Variants in NEK1 observed in about 807,000 individuals in gnomAD.
NEK1 encodes NIMA related kinase 1, also known as serine/threonine-protein kinase Nek1.
A neutral mutation model predicts 182.1 loss-of-function variants in NEK1; 137 were observed. The observed-to-expected ratio is 0.75, with a 90% CI of 0.65 to 0.87. The LOEUF (loss-of-function observed/expected upper bound fraction) is 0.87, where lower values mean the gene tolerates loss of function less well. NEK1 is among the 40% of genes least tolerant of loss of function. NEK1 has a pLI of 0.00. For synonymous variants in NEK1, 513 were observed against 492.2 expected, an observed-to-expected ratio of 1.04 and a Z score of -0.56; for missense variants, 1,391 against 1,494.4, an observed-to-expected ratio of 0.93 and a Z score of 1.14.
At chr4:169,599,423 T>C (rs1054668326) in intron 4 of NEK1, among the ~76,000 whole-genome samples, 3 of 152,230 alleles carry the variant, frequency 2.0e-5, no homozygotes, top group Non-Finnish European at 4.4e-5. Flanking sequence ...AAATACACTA[T>C]TTTATTGAAT....
intron 35 of NEK1, among the ~76,000 whole-genome samples, chr4:169,397,754 T>C (rs1248913919): frequency 2.0e-5 from 3 of 152,298 alleles, no homozygotes; most frequent in East Asian, 3.9e-4. Context: ...TTATATCCTT[T>C]TGAAGCCACT....
intron 31 of NEK1, among the ~76,000 whole-genome samples, chr4:169,407,148 C>T (rs1732787116): frequency 6.6e-6 from 1 of 152,134 alleles, no homozygotes; most frequent in African/African-American, 2.4e-5. Flanking sequence ...TAGAAACTAT[C>T]TGTTTTCTCC....
In NEK1 at chr4:169,469,908, A is replaced by G. The variant is rs192912227; in HGVS notation, c.2435-6513T>C. 6.5e-3 allele frequency among the ~76,000 whole-genome samples: 961 copies of G among 148,922 alleles called. 5 individuals carry two copies. Among genetic ancestry groups the G allele is most frequent in the Non-Finnish European group, 9.8e-3 (659 of 67,476 alleles). ...TGTCTTTTTTGATCTTTGTTGCTTT[A>G]AAGTCTGTTTTATCAGAGACTAGGA... is the stretch of plus-strand genomic sequence containing the variant. On this transcript the variant is annotated intron_variant, in intron 26 of 35. Coordinates refer to ENST00000507142, the MANE Select transcript of NEK1 (RefSeq NM_001199397.3).
rs1403739192 is a variant in NEK1, at chr4:169,518,969, A to G, written c.1666-10117T>C. On this transcript the variant is annotated intron_variant, in intron 19 of 35. Transcript: ENST00000507142. ...AATAGGTGTGGTGTGGTGCTGAAAA[A>G]AATGTATATTCTGTTGATTTGGGGT... is the stretch of plus-strand genomic sequence containing the variant. Among the ~76,000 whole-genome samples the G allele has an allele frequency of 5.0e-4, 14 of 27,756 alleles. No individual in the cohort carries two copies. In the East Asian group the frequency reaches 7.8e-3, roughly 16 times the overall value. 18.2% of individuals were successfully genotyped at this position (27,756 alleles called of 152,430 possible).
intron 19 of NEK1, among the ~76,000 whole-genome samples, chr4:169,529,728 G>A (rs1308246666): frequency 6.6e-6 from 1 of 152,076 alleles, no homozygotes; most frequent in Non-Finnish European, 1.5e-5. Context: ...CAAAGCTAAA[G>A]AATAAGAAAA....
chr4:169,446,369 G>A (rs1740569646), intron 27 of NEK1, among the ~76,000 whole-genome samples: 1 of 152,036 alleles, frequency 6.6e-6, no homozygotes, highest in Non-Finnish European at 1.5e-5. Flanking sequence ...GAAATGCAAA[G>A]TACCATGTGA....
intron 19 of NEK1, among the ~76,000 whole-genome samples, chr4:169,535,132 C>T (rs973999963): frequency 2.6e-5 from 4 of 151,978 alleles, no homozygotes; most frequent in Non-Finnish European, 5.9e-5. Flanking sequence ...TCAGCCTGGC[C>T]AACATGGTGA....
At chr4:169,528,463 A>G (rs902522509) in intron 19 of NEK1, among the ~76,000 whole-genome samples, 1 of 152,222 alleles carries the variant, frequency 6.6e-6, no homozygotes, top group Non-Finnish European at 1.5e-5. Flanking sequence ...GAGCTTGGAA[A>G]TAAATTTTTC....
intron 23 of NEK1, among the ~76,000 whole-genome samples, chr4:169,505,320 C>T (rs894971517): frequency 2.0e-5 from 3 of 151,996 alleles, no homozygotes; most frequent in Non-Finnish European, 2.9e-5. Context: ...GACCAACCCT[C>T]TTACTCCTCC....
rs985420377 is a variant in NEK1, at chr4:169,561,818, G to A, written c.1140+14C>T. The A allele has an allele frequency of 1.1e-5, 18 of 1,607,890 alleles. No individual in the cohort carries two copies. The highest frequency in any genetic ancestry group is 1.7e-5 in the Admixed American group (1 of 59,354). Reference sequence around the variant, plus strand: ...CAACTTGCCAAAGGTAGAAAAACAAGAGCAAAAAACTACCTGATCCTTTTG... The same window carrying A: ...CAACTTGCCAAAGGTAGAAAAACAAAAGCAAAAAACTACCTGATCCTTTTG... On this transcript the variant is annotated intron_variant, in intron 14 of 35. Coordinates refer to ENST00000507142, the MANE Select transcript of NEK1 (RefSeq NM_001199397.3).
intron 10 of NEK1, among the ~76,000 whole-genome samples, chr4:169,583,628 T>C (rs921563634): frequency 6.6e-6 from 1 of 152,240 alleles, no homozygotes; most frequent in Non-Finnish European, 1.5e-5. Flanking sequence ...TGAGACAGTA[T>C]GTCCCAACTC....
chr4:169,400,327 C>T lies in NEK1; in HGVS notation c.3745G>A (p.Glu1249Lys), dbSNP rs770199461. ...AIHEDEDENI[E>K]ICSKIVQNIL... ...TTTTGAACTATTTTTGAACAAATTT[C>T]AATATTTTCATCTTCATCTTCATGA... Residue 1249 changes from glutamate (E) to lysine (K), a missense_variant, in exon 35 of 36, where the codon GAA (glutamate) becomes AAA (lysine). Glu to Lys is a moderately conservative substitution (Grantham distance 56, BLOSUM62 1). Around this residue, in one of 5 missense-constraint regions of NEK1, gnomAD observed 1,216 missense variants for 1,277.6 expected, o/e 0.95. Coordinates refer to ENST00000507142, the MANE Select transcript of NEK1 (RefSeq NM_001199397.3). 1 of 1,531,630 alleles carries T rather than the reference C, an allele frequency of 6.5e-7. No homozygotes were observed. Among genetic ancestry groups the T allele is most frequent in the South Asian group, 1.2e-5 (1 of 81,394 alleles). 94.9% of individuals were successfully genotyped at this position (1,531,630 alleles called of 1,614,324 possible).
intron 18 of NEK1, among the ~76,000 whole-genome samples, chr4:169,540,909 AG>A (rs1759303029): frequency 6.6e-6 from 1 of 151,974 alleles, no homozygotes; most frequent in South Asian, 2.1e-4. Flanking sequence ...GGGGAGGAAA[AG>A]GGAGTAAGTT....
chr4:169,468,748 G>C (rs1258560222), intron 26 of NEK1, among the ~76,000 whole-genome samples: 4 of 152,168 alleles, frequency 2.6e-5, no homozygotes, highest in Non-Finnish European at 5.9e-5. Flanking sequence ...TCTGGTCCTG[G>C]GCTTTTTTTG....
intron 35 of NEK1, 115 bp downstream of exon 35, chr4:169,400,110 T>C: frequency 3.0e-6 from 3 of 992,942 alleles, no homozygotes; most frequent in South Asian, 2.8e-5. Context: ...AAAAGTTATA[T>C]AGTTCCCAAG....
At chr4:169,400,962 T>C (rs1355442802) in intron 33 of NEK1, among the ~76,000 whole-genome samples, 1 of 151,496 alleles carries the variant, frequency 6.6e-6, no homozygotes, top group Non-Finnish European at 1.5e-5. Context: ...ATGTTTTGCT[T>C]TGAAGCAGCT....
At chr4:169,540,968 T>G (rs1193977624) in intron 18 of NEK1, among the ~76,000 whole-genome samples, 3 of 152,074 alleles carry the variant, frequency 2.0e-5, no homozygotes, top group African/African-American at 7.2e-5. Context: ...GCAACAAGAT[T>G]TGGCTGGGAA....
chr4:169,455,953 A>G (rs1316866028), intron 27 of NEK1, among the ~76,000 whole-genome samples: 2 of 152,236 alleles, frequency 1.3e-5, no homozygotes, highest in Non-Finnish European at 2.9e-5. Context: ...AGGATAGAAC[A>G]TATGTTAGAT....
chr4:169,421,303 C>G (rs1307152126), intron 31 of NEK1, among the ~76,000 whole-genome samples: 1 of 152,102 alleles, frequency 6.6e-6, no homozygotes, highest in Non-Finnish European at 1.5e-5. Flanking sequence ...ATCAATTCAT[C>G]CAGGAGACAT....
Sources: allele counts gnomAD v4.1 joint callset (sites outside exome capture counted in the v4.1 genomes callset), GRCh38; gene constraint gnomAD v4.1.1; regional missense constraint gnomAD v4.1.1; transcripts MANE v1.5; gene names NCBI Gene and HGNC (gene_info 2026-07-23, HGNC 2026-07-21).